Variants in RABGAP1 observed in about 807,000 individuals in gnomAD.
RABGAP1 encodes the protein RAB GTPase activating protein 1.
In RABGAP1, 23 loss-of-function variants were observed where a neutral mutation model predicts 137.6. That is an observed-to-expected ratio of 0.17 (90% CI 0.12 to 0.24). The LOEUF (loss-of-function observed/expected upper bound fraction) is 0.24. Among genes scored for constraint, RABGAP1 ranks in the 10% least tolerant of loss-of-function variants. RABGAP1 has a pLI of 1.00. For missense variants in RABGAP1, 906 were observed against 1,275.8 expected, an observed-to-expected ratio of 0.71 and a Z score of 4.42; for synonymous variants, 451 against 450.7, an observed-to-expected ratio of 1.00 and a Z score of -0.01.
At chr9:123,058,993 A>G (rs2033859230) in intron 13 of RABGAP1, among the ~76,000 whole-genome samples, 1 of 152,204 alleles carries the variant, frequency 6.6e-6, no homozygotes, top group Non-Finnish European at 1.5e-5. Context: ...CAGTGACCCT[A>G]CTTACTACAT....
intron 13 of RABGAP1, among the ~76,000 whole-genome samples, chr9:123,063,518 G>A (rs1454255822): frequency 6.6e-6 from 1 of 152,216 alleles, no homozygotes; most frequent in Admixed American, 6.5e-5. Flanking sequence ...ATTTTGCATT[G>A]TATAGGAGTT....
intron 14 of RABGAP1, among the ~76,000 whole-genome samples, chr9:123,066,686 A>G (rs1444038055): frequency 1.3e-5 from 2 of 152,182 alleles, no homozygotes; most frequent in Non-Finnish European, 2.9e-5. Flanking sequence ...TCTACCCCCA[A>G]AGCTTCAGCT....
intron 1 of RABGAP1, among the ~76,000 whole-genome samples, chr9:122,943,653 T>A (rs1462483859): frequency 6.6e-6 from 1 of 152,158 alleles, no homozygotes; most frequent in Non-Finnish European, 1.5e-5. Context: ...TAGCCCAGCT[T>A]CTTTTAAAGA....
rs2132258361 is a variant in RABGAP1, at chr9:123,103,618, TATATATATATATATATATA to T, written c.*406_*424del. On this transcript the variant is annotated 3_prime_UTR_variant, in exon 26 of 26. Coordinates refer to ENST00000373647, the MANE Select transcript of RABGAP1 (RefSeq NM_012197.4). Reference sequence around the variant, plus strand: ...ATATATATATATATATATATATATATATATATATATATATATATAGTGGGGGTGGGGCAAGGGATCAGAA... The same window carrying T: ...ATATATATATATATATATATATATATGTGGGGGTGGGGCAAGGGATCAGAA... 1 of 97,994 alleles carries T rather than the reference TATATATATATATATATATA, an allele frequency of 1.0e-5. No homozygotes were observed. Among genetic ancestry groups the T allele is most frequent in the South Asian group, 3.2e-4 (1 of 3,148 alleles). The allele number at this position is 97,994 out of a possible 1,614,324, so 6.1% of individuals were successfully genotyped here.
intron 2 of RABGAP1, among the ~76,000 whole-genome samples, chr9:122,975,395 C>G (rs1467699358): frequency 6.6e-6 from 1 of 152,140 alleles, no homozygotes; most frequent in Non-Finnish European, 1.5e-5. Flanking sequence ...TGGATTTTGC[C>G]TTTGGAACAT....
intron 13 of RABGAP1, chr9:123,034,475 C>T (rs1273449535): frequency 1.3e-6 from 1 of 783,466 alleles, no homozygotes; most frequent in East Asian, 2.4e-5. Context: ...TACACACATG[C>T]AAAGCTGACC....
At chr9:123,022,523 C>CAAAAAAAAAAAAAAATAAATAAATAAATA (rs1554719431) in intron 13 of RABGAP1, among the ~76,000 whole-genome samples, 4 of 152,030 alleles carry the variant, frequency 2.6e-5, no homozygotes, top group Admixed American at 6.6e-5. Context: ...TCTCCTGCCG[C>CAAAAAAAAAAAAAAATAAATAAATAAATA]AGCCCCCTGA....
At position 123,074,491 on chromosome 9, in the gene RABGAP1, C is replaced by G. The variant is rs1189262451; in HGVS notation, c.2253+63C>G. The G allele has an allele frequency of 4.1e-6, 6 of 1,466,564 alleles. No homozygotes were observed. In the Admixed American group the frequency reaches 6.6e-5, roughly 16 times the overall value. 90.8% of individuals were successfully genotyped at this position (1,466,564 alleles called of 1,614,324 possible). On this transcript the variant is annotated intron_variant, in intron 17 of 25. Coordinates refer to ENST00000373647, the MANE Select transcript of RABGAP1 (RefSeq NM_012197.4). ...GCAGTGTACTTGAGGAGAACAGATT[C>G]TGTTTTGAGTGTCAGCTCTGTCAAA...
chr9:123,080,909 T>C (rs1260186559), intron 19 of RABGAP1, among the ~76,000 whole-genome samples: 4 of 152,212 alleles, frequency 2.6e-5, no homozygotes, highest in African/African-American at 7.2e-5. Flanking sequence ...GGTCCACTTA[T>C]ACGTGGATTT....
chr9:123,051,577 A>G (rs1228109737), intron 13 of RABGAP1, among the ~76,000 whole-genome samples: 1 of 151,426 alleles, frequency 6.6e-6, no homozygotes, highest in African/African-American at 2.4e-5. Flanking sequence ...AGAGTGTCAT[A>G]TATTTCTCTG....
chr9:122,970,203 T>C (rs946256265), intron 2 of RABGAP1, among the ~76,000 whole-genome samples: 1 of 152,046 alleles, frequency 6.6e-6, no homozygotes, highest in Non-Finnish European at 1.5e-5. Context: ...TATGAGCCAC[T>C]ATACCAGGTC....
chr9:123,030,212 T>G (rs187949924), intron 13 of RABGAP1, among the ~76,000 whole-genome samples: 2 of 146,608 alleles, frequency 1.4e-5, no homozygotes, highest in Admixed American at 1.3e-4. Flanking sequence ...CCATTTTGAG[T>G]TAGATTGAGT....
intron 13 of RABGAP1, among the ~76,000 whole-genome samples, chr9:123,057,119 T>TC (rs1471227784): frequency 1.4e-5 from 2 of 143,804 alleles, no homozygotes; most frequent in East Asian, 4.5e-4. Flanking sequence ...CCCCCCCACC[T>TC]CCCTCCCGGA....
intron 13 of RABGAP1, among the ~76,000 whole-genome samples, chr9:123,052,984 G>A (rs1474146703): frequency 1.3e-5 from 2 of 152,102 alleles, no homozygotes; most frequent in Admixed American, 6.6e-5. Context: ...TACAGAGTCA[G>A]ATAATTTATG....
chr9:123,082,951 T>C (rs1269820659), intron 19 of RABGAP1, among the ~76,000 whole-genome samples: 3 of 152,242 alleles, frequency 2.0e-5, no homozygotes, highest in Non-Finnish European at 2.9e-5. Flanking sequence ...GTATTAGATT[T>C]AAGCTCTCTG....
In RABGAP1 at chr9:123,050,698, T is replaced by C. The variant is rs185408996; in HGVS notation, c.1795-14650T>C. Among the ~76,000 whole-genome samples the C allele has an allele frequency of 3.9e-5, 6 of 152,350 alleles. No homozygotes were observed. In the East Asian group the frequency reaches 9.6e-4, roughly 24 times the overall value. On this transcript the variant is annotated intron_variant, in intron 13 of 25. Transcript: ENST00000373647. Reference sequence around the variant, plus strand: ...TGACTTTGAGAGGCTTTAATTTGTTTGATACAAATATACTATAATTCCTAT... The same window carrying C: ...TGACTTTGAGAGGCTTTAATTTGTTCGATACAAATATACTATAATTCCTAT...
intron 19 of RABGAP1, among the ~76,000 whole-genome samples, chr9:123,077,671 ATTGTATTGT>A (rs2034561636): frequency 6.9e-6 from 1 of 144,276 alleles, no homozygotes; most frequent in African/African-American, 2.7e-5. Flanking sequence ...ATTGTATTGT[ATTGTATTGT>A]ATTGTATTGT....
rs2031547366 is a variant in RABGAP1 at position 123,020,376 on chromosome 9, C to A, written c.1711C>A (p.Leu571Ile). 4.4e-6 allele frequency: 7 copies of A among 1,606,894 alleles called. No homozygotes were observed. The highest frequency in any genetic ancestry group is 3.4e-6 in the Non-Finnish European group (4 of 1,176,364). The change falls in exon 13 of 26, where the codon CTT becomes ATT. Residue 571 changes from leucine (L) to isoleucine (I), a missense_variant. By Grantham distance (5) the Leu-to-Ile change is conservative. Around this residue, in one of 9 missense-constraint regions of RABGAP1, gnomAD observed 212 missense variants for 289.4 expected, o/e 0.73. Transcript: ENST00000373647. ...AGTAAGAAACGGTGTCCCTGAAGCT[C>A]TTCGAGGAGAAGTCTGGCAGCTGCT... ...SLVRNGVPEA[L>I]RGEVWQLLAG...
In RABGAP1 at chr9:122,948,042, A is replaced by AACACACACACAC. The variant is rs55683114; in HGVS notation, c.-50+6979_-50+6990dup. Among the ~76,000 whole-genome samples, 87 of 146,042 alleles carry AACACACACACAC rather than the reference A, an allele frequency of 6.0e-4. 1 individual carries two copies. The highest frequency in any genetic ancestry group is 3.1e-3 in the East Asian group (15 of 4,878). ...GTGAAACAAAGTTCAGAGCCAGGAA[A>AACACACACACAC]ACACACACACACACACACACACACA... On this transcript the variant is annotated intron_variant, in intron 1 of 25. Transcript: ENST00000373647.
Sources: allele counts gnomAD v4.1 joint callset (sites outside exome capture counted in the v4.1 genomes callset), GRCh38; gene constraint gnomAD v4.1.1; regional missense constraint gnomAD v4.1.1; transcripts MANE v1.5; gene names NCBI Gene and HGNC (gene_info 2026-07-23, HGNC 2026-07-21).